TRDN: variants seen among roughly 807,000 people sequenced by gnomAD.
TRDN encodes triadin in skeletal muscle.
In TRDN, 161 loss-of-function variants were observed where a neutral mutation model predicts 149.7. The observed-to-expected ratio is 1.08, with a 90% confidence interval of 0.95 to 1.23. The LOEUF is 1.23. Ranked by LOEUF, TRDN falls within the 50% of genes most tolerant of loss-of-function variation. The pLI is 0.00. For missense variants in TRDN, 896 were observed against 823.5 expected, an observed-to-expected ratio of 1.09 and a Z score of -1.08; for synonymous variants, 294 against 250.5, an observed-to-expected ratio of 1.17 and a Z score of -1.64.
In TRDN at chr6:123,589,006, A is replaced by C. The variant is rs1234212191; in HGVS notation, c.23-17874T>G. Among the ~76,000 whole-genome samples, 4 of 152,314 alleles carry C rather than the reference A, an allele frequency of 2.6e-5. No homozygotes were observed. The East Asian group carries it at 7.7e-4, about 29-fold the overall frequency. On this transcript the variant is annotated intron_variant, in intron 1 of 40. Transcript: ENST00000334268. Reference sequence around the variant, plus strand: ...TGTACAGTGGGACAGATTAGGGATAAAAATTAACAGGACCCATGAAAAGAC... The same window carrying C: ...TGTACAGTGGGACAGATTAGGGATACAAATTAACAGGACCCATGAAAAGAC...
chr6:123,218,541 G>A lies in TRDN; in HGVS notation c.*60C>T, dbSNP rs886093093. On this transcript the variant is annotated 3_prime_UTR_variant, in exon 41 of 41. Coordinates refer to ENST00000334268, the MANE Select transcript of TRDN (RefSeq NM_006073.4). ...CATATTCTTAATTGCCTGAACTACT[G>A]TGGACAAAACATCACATTTTTAAAA... is the stretch of plus-strand genomic sequence containing the variant. 4.4e-4 allele frequency: 686 copies of A among 1,548,296 alleles called. No individual in the cohort carries two copies. Among genetic ancestry groups the A allele is most frequent in the Non-Finnish European group, 5.2e-4 (600 of 1,146,192 alleles).
At chr6:123,375,754 A>G in intron 18 of TRDN, 123 bp from the exon 19 acceptor site, 3 of 759,194 alleles carry the variant, frequency 4.0e-6, no homozygotes, top group Non-Finnish European at 5.9e-6. Flanking sequence ...AAGCTAAAGA[A>G]AAATAAGATC....
At chr6:123,375,217 C>T (rs371670279) in intron 19 of TRDN, among the ~76,000 whole-genome samples, 4 of 152,110 alleles carry the variant, frequency 2.6e-5, no homozygotes, top group African/African-American at 9.7e-5. Flanking sequence ...TGAGGGGCTA[C>T]CTTTCATTAG....
intron 20 of TRDN, among the ~76,000 whole-genome samples, chr6:123,357,314 A>G (rs1780720166): frequency 1.3e-5 from 2 of 152,110 alleles, no homozygotes; most frequent in South Asian, 4.1e-4. Flanking sequence ...CAGTTGAAAG[A>G]GAAAAGAGAT....
chr6:123,227,922 C>G (rs1328347048), intron 38 of TRDN, among the ~76,000 whole-genome samples: 1 of 151,772 alleles, frequency 6.6e-6, no homozygotes, highest in Non-Finnish European at 1.5e-5. Flanking sequence ...GTGGCAGAGA[C>G]AGAACAAGAA....
At chr6:123,296,402 TA>T (rs1778199247) in intron 24 of TRDN, among the ~76,000 whole-genome samples, 2 of 152,074 alleles carry the variant, frequency 1.3e-5, no homozygotes, top group Admixed American at 1.3e-4. Context: ...AGAAGACCAT[TA>T]GGGGGATGCA....
At chr6:123,364,467 T>C (rs573596026) in intron 20 of TRDN, among the ~76,000 whole-genome samples, 1 of 152,266 alleles carries the variant, frequency 6.6e-6, no homozygotes, top group African/African-American at 2.4e-5. Context: ...TGAAACCCTG[T>C]CTGTACTAAA....
Position 123,520,279 on chromosome 6 carries a change from T to C in TRDN, c.485-4073A>G, listed in dbSNP as rs73770128. 1.9e-3 allele frequency among the ~76,000 whole-genome samples: 286 copies of C among 152,292 alleles called. 2 individuals carry two copies. Among genetic ancestry groups the C allele is most frequent in the African/African-American group, 6.8e-3 (282 of 41,558 alleles). Reference sequence around the variant, plus strand: ...AGAATTTATTATTTTAACTTTAATATAAGCATGCAATTTCAGAGCTGATAG... The same window carrying C: ...AGAATTTATTATTTTAACTTTAATACAAGCATGCAATTTCAGAGCTGATAG... On this transcript the variant is annotated intron_variant, in intron 5 of 40. Transcript: ENST00000334268.
chr6:123,230,068 T>A (rs1224090302), intron 38 of TRDN, among the ~76,000 whole-genome samples: 1 of 151,962 alleles, frequency 6.6e-6, no homozygotes, highest in Non-Finnish European at 1.5e-5. Context: ...TTAAAGCTGC[T>A]ATAAAGACAC....
intron 36 of TRDN, 100 bp downstream of exon 36, chr6:123,255,767 T>A: frequency 1.4e-6 from 1 of 724,122 alleles, no homozygotes; most frequent in Middle Eastern, 4.7e-4. Flanking sequence ...ATCACATACA[T>A]TTAGAAAAGT....
chr6:123,558,913 C>G (rs1218309907), intron 2 of TRDN, among the ~76,000 whole-genome samples: 4 of 152,268 alleles, frequency 2.6e-5, no homozygotes, highest in Non-Finnish European at 5.9e-5. Flanking sequence ...GACCTTGCCA[C>G]AAGTGCCGGA....
At chr6:123,479,609 A>T (rs1777652094) in intron 9 of TRDN, among the ~76,000 whole-genome samples, 1 of 152,184 alleles carries the variant, frequency 6.6e-6, no homozygotes, top group Admixed American at 6.5e-5. Flanking sequence ...CATCCAACTG[A>T]CTTACAACTA....
intron 9 of TRDN, among the ~76,000 whole-genome samples, chr6:123,488,298 G>A (rs972887602): frequency 6.6e-6 from 1 of 151,978 alleles, no homozygotes; most frequent in Non-Finnish European, 1.5e-5. Flanking sequence ...AATGACCCTT[G>A]GTATTTGGCA....
At position 123,216,637 on chromosome 6, in the gene TRDN, A is replaced by G. The variant is rs1224024242; in HGVS notation, c.*1964T>C. The G allele has an allele frequency of 6.6e-6, 1 of 151,920 alleles. No individual in the cohort carries two copies. Among genetic ancestry groups the G allele is most frequent in the African/African-American group, 2.4e-5 (1 of 41,430 alleles). 9.4% of individuals were successfully genotyped at this position (151,920 alleles called of 1,614,324 possible). On this transcript the variant is annotated 3_prime_UTR_variant, in exon 41 of 41. Coordinates refer to ENST00000334268, the MANE Select transcript of TRDN (RefSeq NM_006073.4). ...TTACTTTAATATCATATTTATATTA[A>G]AATATTTTATTTGTCTCCATGGTAT...
intron 21 of TRDN, among the ~76,000 whole-genome samples, chr6:123,348,365 C>G (rs1396574894): frequency 6.6e-6 from 1 of 151,994 alleles, no homozygotes; most frequent in Non-Finnish European, 1.5e-5. Flanking sequence ...AATACAGTAA[C>G]AATGCATTTT....
intron 1 of TRDN, among the ~76,000 whole-genome samples, chr6:123,589,506 T>G (rs1041243201): frequency 6.6e-6 from 1 of 152,200 alleles, no homozygotes; most frequent in Non-Finnish European, 1.5e-5. Flanking sequence ...CTAAGCTGAA[T>G]GCTTCAGAAT....
rs569469044 is a variant in TRDN at position 123,495,712 on chromosome 6, G to C, written c.853+1481C>G. On this transcript the variant is annotated intron_variant, in intron 9 of 40. Coordinates refer to ENST00000334268, the MANE Select transcript of TRDN (RefSeq NM_006073.4). ...ATATAGACTGAAACTTGTAAGTGTTGAGAGGTTCTCTTCATGTAGGGAACT... is the reference window on the plus strand; with the variant it reads ...ATATAGACTGAAACTTGTAAGTGTTCAGAGGTTCTCTTCATGTAGGGAACT... Among the ~76,000 whole-genome samples the C allele has an allele frequency of 5.3e-5, 8 of 152,040 alleles. No homozygotes were observed. In the East Asian group the frequency reaches 1.5e-3, roughly 29 times the overall value.
chr6:123,609,594 A>G (rs1468043164), intron 1 of TRDN, among the ~76,000 whole-genome samples: 1 of 152,150 alleles, frequency 6.6e-6, no homozygotes, highest in African/African-American at 2.4e-5. Context: ...AGTTGGCAAA[A>G]CACAGATGGA....
rs115761372 is a variant in TRDN, at chr6:123,484,079, G to A, written c.853+13114C>T. Reference sequence around the variant, plus strand: ...AATCATCAATGCTACAATCAGTAACGTTAATGTTAATATTGCAAAATTCAT... The same window carrying A: ...AATCATCAATGCTACAATCAGTAACATTAATGTTAATATTGCAAAATTCAT... On this transcript the variant is annotated intron_variant, in intron 9 of 40. Transcript: ENST00000334268. Among the ~76,000 whole-genome samples the A allele has an allele frequency of 2.3e-3, 349 of 151,968 alleles. 1 individual carries two copies. Among genetic ancestry groups the A allele is most frequent in the African/African-American group, 8.1e-3 (335 of 41,468 alleles).
Sources: gnomAD v4.1 joint callset for allele counts (sites outside exome capture counted in the v4.1 genomes callset) on GRCh38, gnomAD v4.1.1 for gene constraint, MANE v1.5 for transcripts, NCBI Gene and HGNC (gene_info 2026-07-23, HGNC 2026-07-21) for gene names.